Variants in HMCN1 observed in about 807,000 individuals in gnomAD.
The protein encoded by HMCN1 is hemicentin 1, also known as hemicentin-1.
In HMCN1, 321 loss-of-function variants were observed where a neutral mutation model predicts 625.9. The observed-to-expected ratio is 0.51, with a 90% confidence interval of 0.47 to 0.56. The LOEUF (loss-of-function observed/expected upper bound fraction) is 0.56. Among genes scored for constraint, HMCN1 ranks in the 20% least tolerant of loss-of-function variants. The pLI is 0.00. For synonymous variants in HMCN1, 2,425 were observed against 2,417.6 expected (o/e 1.00, Z -0.09); for missense variants, 6,588 against 6,887.3 (o/e 0.96, Z 1.54).
rs1339686048 is a variant in HMCN1, at chr1:186,159,700, C to T, written c.15257-5411C>T. Among the ~76,000 whole-genome samples, 3 of 152,062 alleles carry T rather than the reference C, an allele frequency of 2.0e-5. 1 individual carries two copies. On this transcript the variant is annotated intron_variant, in intron 97 of 106. Coordinates refer to ENST00000271588, the MANE Select transcript of HMCN1 (RefSeq NM_031935.3). ...AATCATGTGGTTTTTGTCTTTGGTT[C>T]TGTTTATATGCTAGATTACATTTAT...
At chr1:186,175,870 A>G (rs1652532596) in intron 103 of HMCN1, among the ~76,000 whole-genome samples, 2 of 127,778 alleles carry the variant, frequency 1.6e-5, no homozygotes. Flanking sequence ...GAGTGAAACT[A>G]TGTCTCAAAA....
intron 71 of HMCN1, among the ~76,000 whole-genome samples, chr1:186,111,011 C>A (rs890746042): frequency 2.3e-5 from 1 of 43,372 alleles, no homozygotes; most frequent in Non-Finnish European, 3.6e-5. Context: ...GACGGAGTCT[C>A]GCTCTGTCGC....
chr1:185,869,652 C>T (rs921452134), intron 4 of HMCN1, among the ~76,000 whole-genome samples: 24 of 152,080 alleles, frequency 1.6e-4, no homozygotes, highest in African/African-American at 5.3e-4. Context: ...AAAGCTACCA[C>T]CACAGAAGAT....
chr1:186,166,875 A>G lies in HMCN1; in HGVS notation c.15507A>G (p.Gly5169=). The part of the protein sequence containing the change: ...HAGQDCDNTI[G]SYRCVVRCGS... ...GTCAGGACTGTGACAATACGATTGGATCTTATCGCTGTGTGGTCCGTTGTG... is the reference window on the plus strand; with the variant it reads ...GTCAGGACTGTGACAATACGATTGGGTCTTATCGCTGTGTGGTCCGTTGTG... Residue 5169 remains glycine (G), a synonymous_variant, in exon 100 of 107, where the codon GGA becomes GGG. Transcript: ENST00000271588. 1.2e-6 allele frequency: 2 copies of G among 1,614,104 alleles called. No individual in the cohort carries two copies. Among genetic ancestry groups the G allele is most frequent in the Non-Finnish European group, 1.7e-6 (2 of 1,180,004 alleles).
intron 54 of HMCN1, 31 bp downstream of exon 54, chr1:186,076,653 T>A (rs769430059): frequency 1.3e-6 from 2 of 1,593,392 alleles, no homozygotes; most frequent in Non-Finnish European, 1.7e-6. Flanking sequence ...GGTGAAAAGC[T>A]GACTCTCTGC....
intron 4 of HMCN1, among the ~76,000 whole-genome samples, chr1:185,881,300 A>G (rs1170125602): frequency 6.6e-6 from 1 of 152,210 alleles, no homozygotes; most frequent in Non-Finnish European, 1.5e-5. Flanking sequence ...GTAGCTCTCA[A>G]TGGGAAGGGG....
At chr1:186,019,420 T>G in intron 34 of HMCN1, 121 bp from the exon 35 acceptor site, 1 of 749,240 alleles carries the variant, frequency 1.3e-6, no homozygotes, top group Admixed American at 2.1e-5. Context: ...ATTTCATTGT[T>G]AAAATAGGGA....
chr1:185,743,826 A>G (rs770001444), intron 1 of HMCN1, among the ~76,000 whole-genome samples: 1 of 152,210 alleles, frequency 6.6e-6, no homozygotes, highest in African/African-American at 2.4e-5. Context: ...CTTTAAAAGT[A>G]CTATAGAACA....
At chr1:185,869,694 A>T (rs140224003) in intron 4 of HMCN1, among the ~76,000 whole-genome samples, 78 of 152,278 alleles carry the variant, frequency 5.1e-4, no homozygotes, top group African/African-American at 1.8e-3. Flanking sequence ...GACAGTGTTA[A>T]AATTGGATTT....
At chr1:185,970,748 C>T (rs941092354) in intron 15 of HMCN1, among the ~76,000 whole-genome samples, 37 of 151,764 alleles carry the variant, frequency 2.4e-4, no homozygotes, top group Non-Finnish European at 7.4e-5. Flanking sequence ...AACCTCTGCA[C>T]CCCATGTTCG....
At chr1:186,166,487 C>T (rs1651888521) in intron 99 of HMCN1, among the ~76,000 whole-genome samples, 184 bp downstream of exon 99, 1 of 152,238 alleles carries the variant, frequency 6.6e-6, no homozygotes, top group African/African-American at 2.4e-5. Flanking sequence ...GCACTGCCTG[C>T]ATGTGGGGCA....
At chr1:185,989,875 G>A (rs376980361) in intron 21 of HMCN1, among the ~76,000 whole-genome samples, 6 of 150,572 alleles carry the variant, frequency 4.0e-5, no homozygotes, top group African/African-American at 7.3e-5. Flanking sequence ...ATAGTCTTTC[G>A]GAAAAATTTT....
At chr1:186,171,219 A>G (rs1249669088) in intron 100 of HMCN1, 118 bp from the exon 101 acceptor site, 5 of 755,106 alleles carry the variant, frequency 6.6e-6, no homozygotes, top group Non-Finnish European at 1.2e-5. Flanking sequence ...AATATATTGG[A>G]TAGGTTTTAG....
intron 4 of HMCN1, among the ~76,000 whole-genome samples, chr1:185,886,442 C>T (rs1222279891): frequency 1.3e-5 from 2 of 152,084 alleles, no homozygotes; most frequent in Non-Finnish European, 2.9e-5. Context: ...TAGAATGCAT[C>T]TCCTTTGAAA....
intron 1 of HMCN1, among the ~76,000 whole-genome samples, chr1:185,834,936 GA>G (rs1273934239): frequency 6.6e-6 from 1 of 152,068 alleles, no homozygotes; most frequent in Non-Finnish European, 1.5e-5. Flanking sequence ...CTCTTATATA[GA>G]AAAAATATAA....
Position 186,063,067 on chromosome 1 carries a change from C to CATATATATATATATATAT in HMCN1, c.7513+486_7513+503dup, listed in dbSNP as rs775036108. 2.9e-3 allele frequency among the ~76,000 whole-genome samples: 175 copies of CATATATATATATATATAT among 59,794 alleles called. 10 individuals carry two copies. The highest frequency in any genetic ancestry group is 6.1e-3 in the African/African-American group (64 of 10,460). 39.2% of individuals were successfully genotyped at this position (59,794 alleles called of 152,430 possible). On this transcript the variant is annotated intron_variant, in intron 48 of 106. Transcript: ENST00000271588. ...GTGTGTGTGTGTGTGTGTGTGTGTG[C>CATATATATATATATATAT]ATATATATATATATATATATATATA...
Position 186,144,622 on chromosome 1 carries a change from G to T in HMCN1, c.14185G>T (p.Asp4729Tyr), listed in dbSNP as rs751950564. 3 of 1,614,102 alleles carry T rather than the reference G, an allele frequency of 1.9e-6. No homozygotes were observed. The highest frequency in any genetic ancestry group is 2.5e-6 in the Non-Finnish European group (3 of 1,179,998). The change falls in exon 91 of 107, where the codon GAC (aspartate) becomes TAC (tyrosine). Residue 4729 changes from aspartate to tyrosine, a missense_variant. By Grantham distance (160) the Asp-to-Tyr change is radical. Coordinates refer to ENST00000271588, the MANE Select transcript of HMCN1 (RefSeq NM_031935.3). ...CAGACAGAGAACAAGGGGCTGCTCC[G>T]ACCCTGTGCCCCAGTATGGAGGAAG... ...GARQRTRGCS[D>Y]PVPQYGGRKC... is the part of the protein sequence containing the mutation.
intron 36 of HMCN1, among the ~76,000 whole-genome samples, chr1:186,026,191 A>G (rs1030087886): frequency 1.3e-5 from 2 of 152,238 alleles, no homozygotes; most frequent in Non-Finnish European, 2.9e-5. Flanking sequence ...GAGATGTTAA[A>G]AAATGTAGGA....
intron 65 of HMCN1, 73 bp downstream of exon 65, chr1:186,093,331 G>C (rs561031166): frequency 1.3e-5 from 20 of 1,598,918 alleles, no homozygotes; most frequent in Non-Finnish European, 1.6e-5. Context: ...AGGCCCAGCA[G>C]CAGGTGTCTG....
Sources: allele counts gnomAD v4.1 joint callset (sites outside exome capture counted in the v4.1 genomes callset), GRCh38; gene constraint gnomAD v4.1.1; transcripts MANE v1.5; gene names NCBI Gene and HGNC (gene_info 2026-07-23, HGNC 2026-07-21).